The following SLC41A3 variants were observed in gnomAD, a reference collection of about 807,000 sequenced individuals.
SLC41A3 encodes the protein solute carrier family 41 member 3.
SLC41A3 carries 44 observed loss-of-function variants against 45.4 expected under a neutral mutation model. The ratio of observed to expected loss-of-function variants is 0.97; its 90% CI spans 0.76 to 1.25. SLC41A3 has a LOEUF of 1.25. Ranked by LOEUF, SLC41A3 falls within the 50% of genes most tolerant of loss-of-function variation. SLC41A3 has a pLI of 0.00. For synonymous variants in SLC41A3, 256 were observed against 252.4 expected, an observed-to-expected ratio of 1.01 and a Z score of -0.13; for missense variants, 550 against 600.6, an observed-to-expected ratio of 0.92 and a Z score of 0.88.
rs201901699 is a variant in SLC41A3 at position 126,067,948 on chromosome 3, T to A, written c.272A>T (p.Gln91Leu). ...TGTCCCCATTTAGTTCCCTCTTACCTGGAAATAGTCCAGAAGCATGCCGGC... is the reference window on the plus strand; with the variant it reads ...TGTCCCCATTTAGTTCCCTCTTACCAGGAAATAGTCCAGAAGCATGCCGGC... ...SWAGMLLDYF[Q>L]HWPVFVEVKD... The change falls in exon 2 of 11, where the codon CAG becomes CTG. Residue 91 changes from glutamine to leucine, a missense_variant and splice_region_variant. Transcript: ENST00000360370. 1 of 1,591,208 alleles carries A rather than the reference T, an allele frequency of 6.3e-7. No individual in the cohort carries two copies. The highest frequency in any genetic ancestry group is 1.8e-5 in the Admixed American group (1 of 56,116).
At position 126,050,959 on chromosome 3, in the gene SLC41A3, G is replaced by T. The variant is rs1323702760; in HGVS notation, c.365C>A (p.Ser122Tyr). 9 of 1,612,658 alleles carry T rather than the reference G, an allele frequency of 5.6e-6. No homozygotes were observed. The highest frequency in any genetic ancestry group is 7.6e-6 in the Non-Finnish European group (9 of 1,179,416). The change falls in exon 3 of 11, where the codon TCC (serine) becomes TAC (tyrosine). Residue 122 changes from serine (S) to tyrosine (Y), a missense_variant. Physicochemically the swap from Ser to Tyr is moderately radical, Grantham distance 144. Transcript: ENST00000360370. ...TCCACTTACAGCTGTGGAGAGTCTG[G>T]ATGCCAGTGTCATCTCCAGGTTCCC... ...LKGNLEMTLA[S>Y]RLSTAANTGQ... is the part of the protein sequence containing the mutation.
chr3:126,018,294 C>G (rs1007248024), intron 6 of SLC41A3, among the ~76,000 whole-genome samples: 1 of 152,182 alleles, frequency 6.6e-6, no homozygotes, highest in Non-Finnish European at 1.5e-5. Flanking sequence ...TCATGTGATG[C>G]CTGAACTCTC....
chr3:126,064,670 C>CA (rs1343671763), intron 2 of SLC41A3, among the ~76,000 whole-genome samples: 1 of 152,180 alleles, frequency 6.6e-6, no homozygotes. Flanking sequence ...AACACCCCTC[C>CA]AGCCAGCCCT....
intron 1 of SLC41A3, among the ~76,000 whole-genome samples, chr3:126,080,953 A>G (rs79165313): frequency 2.5e-5 from 3 of 119,754 alleles, no homozygotes; most frequent in African/African-American, 1.3e-4. Flanking sequence ...TCCATCTCTG[A>G]AAAAAAAAAA....
chr3:126,033,559 G>A (rs1389204896), intron 4 of SLC41A3, 48 bp downstream of exon 4: 3 of 1,591,682 alleles, frequency 1.9e-6, no homozygotes, highest in African/African-American at 1.3e-5. Context: ...ACCTGGGGAA[G>A]CCTGGCTGCA....
chr3:126,091,007 T>C (rs1469664604), intron 1 of SLC41A3, among the ~76,000 whole-genome samples: 1 of 152,068 alleles, frequency 6.6e-6, no homozygotes, highest in Admixed American at 6.6e-5. Flanking sequence ...CCAATCCCCT[T>C]CTAGGATGTG....
Position 126,006,822 on chromosome 3 carries a change from T to A in SLC41A3, c.*194A>T. 1 of 1,449,318 alleles carries A rather than the reference T, an allele frequency of 6.9e-7. No individual in the cohort carries two copies. Among genetic ancestry groups the A allele is most frequent in the Non-Finnish European group, 9.0e-7 (1 of 1,107,462 alleles). The allele number at this position is 1,449,318 out of a possible 1,614,324, so 89.8% of individuals were successfully genotyped here. A position where few individuals can be genotyped will look rare whatever the true frequency, so the allele number is the denominator to read the frequency against. On this transcript the variant is annotated 3_prime_UTR_variant, in exon 11 of 11. Coordinates refer to ENST00000360370, the MANE Select transcript of SLC41A3 (RefSeq NM_017836.4). ...ACACACTCAAGCCATGCTCTTGATT[T>A]CAGGGCTCTATTGCAGGCTCAGGTA...
chr3:126,063,804 C>G (rs144318764), intron 2 of SLC41A3, among the ~76,000 whole-genome samples: 1 of 152,130 alleles, frequency 6.6e-6, no homozygotes, highest in South Asian at 2.1e-4. Context: ...CCCAGTGGAG[C>G]CTCTACTTCC....
intron 1 of SLC41A3, among the ~76,000 whole-genome samples, chr3:126,092,125 A>G (rs557432176): frequency 6.6e-6 from 1 of 152,352 alleles, no homozygotes; most frequent in African/African-American, 2.4e-5. Context: ...AAACCTGGCC[A>G]TAAACTGGCC....
chr3:126,053,412 T>C (rs962240212), intron 2 of SLC41A3, among the ~76,000 whole-genome samples: 4 of 152,200 alleles, frequency 2.6e-5, no homozygotes, highest in Non-Finnish European at 5.9e-5. Context: ...TTGTTTAAGC[T>C]ACCTCCTCTG....
chr3:126,064,378 C>T (rs969345103), intron 2 of SLC41A3, among the ~76,000 whole-genome samples: 1 of 152,072 alleles, frequency 6.6e-6, no homozygotes, highest in Non-Finnish European at 1.5e-5. Flanking sequence ...GTTTCCCACT[C>T]TCTTGTTATG....
Position 126,078,020 on chromosome 3 carries a change from G to A in SLC41A3, c.-28+6073C>T, listed in dbSNP as rs1339151091. On this transcript the variant is annotated intron_variant, in intron 1 of 10. Transcript: ENST00000360370. ...GCTCCAAGAGGCAATAAACAGAGAT[G>A]GGAACTGCCTACTCCCACCTGCCTC... Among the ~76,000 whole-genome samples, 5 of 152,262 alleles carry A rather than the reference G, an allele frequency of 3.3e-5. No individual in the cohort carries two copies. In the East Asian group the frequency reaches 9.7e-4, roughly 30 times the overall value.
rs1411469813 is a variant in SLC41A3 at position 126,026,349 on chromosome 3, G to A, written c.584C>T (p.Ala195Val). 5.7e-6 allele frequency: 9 copies of A among 1,565,548 alleles called. No homozygotes were observed. In the South Asian group the frequency reaches 9.4e-5, roughly 16 times the overall value. ...CASSVLTAFL[A>V]AFALGVLMVC... is the part of the protein sequence containing the mutation. ...GCATGGCTCACCCAGGGCAAAGGCT[G>A]CAAGGAAGGCAGTGAGGACACTGCT... is the stretch of plus-strand genomic sequence containing the variant. Residue 195 changes from alanine to valine, a missense_variant, in exon 5 of 11, where the codon GCA becomes GTA. Physicochemically the swap from Ala to Val is moderately conservative, Grantham distance 64. Transcript: ENST00000360370. This position sits in a 1 kb window ranked among gnomAD's most constrained non-coding sequence, Gnocchi z 4.2.
chr3:126,013,377 T>C (rs1939920261), intron 8 of SLC41A3, among the ~76,000 whole-genome samples: 1 of 151,746 alleles, frequency 6.6e-6, no homozygotes, highest in Non-Finnish European at 1.5e-5. Flanking sequence ...CTGACCAACA[T>C]GGTGAAACTC....
intron 2 of SLC41A3, among the ~76,000 whole-genome samples, chr3:126,064,288 G>A (rs890015249): frequency 3.9e-5 from 6 of 152,120 alleles, no homozygotes; most frequent in African/African-American, 7.2e-5. Context: ...GGCAGGAACT[G>A]TCCCTCCACA....
In SLC41A3 at chr3:126,008,472, T is replaced by C. The variant is rs117600306; in HGVS notation, c.1254+260A>G. ...GGTGTGGAGTGTGTGGGGTACAGTG[T>C]GTGGTGTGGAGTTTGTGGTGTGGTG... is the stretch of plus-strand genomic sequence containing the variant. On this transcript the variant is annotated intron_variant, in intron 10 of 10. Transcript: ENST00000360370. Among the ~76,000 whole-genome samples, 99 of 151,770 alleles carry C rather than the reference T, an allele frequency of 6.5e-4. 1 individual carries two copies. In the East Asian group the frequency reaches 0.015, roughly 23 times the overall value.
In SLC41A3 at chr3:126,022,825, T is replaced by G. The variant is rs746181992; in HGVS notation, c.706A>C (p.Ile236Leu). The G allele has an allele frequency of 3.7e-6, 6 of 1,614,070 alleles. No individual in the cohort carries two copies. The African/African-American group carries it at 8.0e-5, about 22-fold the overall frequency. Residue 236 changes from isoleucine to leucine, a missense_variant, in exon 6 of 11, where the codon ATT (isoleucine) becomes CTT (leucine). Coordinates refer to ENST00000360370, the MANE Select transcript of SLC41A3 (RefSeq NM_017836.4). Reference sequence around the variant, plus strand: ...AAGAAGCTGCTAACCAAAGCCAGAATGGACAGTGTGATGAGGTCTCCCAGG... The same window carrying G: ...AAGAAGCTGCTAACCAAAGCCAGAAGGGACAGTGTGATGAGGTCTCCCAGG... The part of the protein sequence containing the change: ...ASLGDLITLS[I>L]LALVSSFFYR...
chr3:126,095,731 C>G (rs1351056138), intron 1 of SLC41A3, among the ~76,000 whole-genome samples: 1 of 152,194 alleles, frequency 6.6e-6, no homozygotes. Context: ...GATTGCATTG[C>G]AGAACAGGCA....
chr3:126,029,110 GT>G (rs139894516), intron 4 of SLC41A3, among the ~76,000 whole-genome samples: 4,191 of 152,324 alleles, frequency 0.028, 138 homozygotes, highest in African/African-American at 0.08. Context: ...AAGACTTTGG[GT>G]GACTGTTAGG....
Sources: gnomAD v4.1 joint callset for allele counts (sites outside exome capture counted in the v4.1 genomes callset) on GRCh38, gnomAD v4.1.1 for gene constraint, Gnocchi (gnomAD v3.1) non-coding constraint, MANE v1.5 for transcripts, NCBI Gene and HGNC (gene_info 2026-07-23, HGNC 2026-07-21) for gene names.